Variants in MAPK4 observed in about 807,000 individuals in gnomAD.
MAPK4 encodes the protein Erk3-related.
Under a neutral mutation model 47.7 loss-of-function variants are expected in MAPK4, and 22 were observed. The observed-to-expected ratio is 0.46, with a 90% confidence interval of 0.33 to 0.66. The LOEUF (loss-of-function observed/expected upper bound fraction) is 0.66. MAPK4 is among the 30% of genes least tolerant of loss of function. The pLI, the probability that MAPK4 is intolerant of heterozygous loss-of-function variation, is 0.02. For missense variants in MAPK4, 736 were observed against 831.7 expected (o/e 0.88, Z 1.42); for synonymous variants, 390 against 365.7 (o/e 1.07, Z -0.76).
intron 1 of MAPK4, among the ~76,000 whole-genome samples, chr18:50,569,939 C>A (rs572546853): frequency 6.6e-6 from 1 of 152,368 alleles, no homozygotes; most frequent in Non-Finnish European, 1.5e-5. Context: ...AGATCTCTTT[C>A]TTTTCTCACA....
At chr18:50,606,772 A>G (rs933856762) in intron 1 of MAPK4, among the ~76,000 whole-genome samples, 4 of 152,228 alleles carry the variant, frequency 2.6e-5, no homozygotes, top group Non-Finnish European at 5.9e-5. Flanking sequence ...GGGCAGGCAT[A>G]GCTGTGTGGC....
chr18:50,668,201 G>A (rs1907715341), intron 2 of MAPK4, among the ~76,000 whole-genome samples: 1 of 152,174 alleles, frequency 6.6e-6, no homozygotes, highest in Admixed American at 6.5e-5. Context: ...GAAAGGTCCT[G>A]AGCACAGAAG....
chr18:50,656,698 C>T (rs1405107069), intron 1 of MAPK4, among the ~76,000 whole-genome samples: 1 of 152,174 alleles, frequency 6.6e-6, no homozygotes, highest in Non-Finnish European at 1.5e-5. Context: ...ACCCTGCTTC[C>T]TGCTACGCTT....
intron 4 of MAPK4, among the ~76,000 whole-genome samples, chr18:50,723,864 CAAAA>C (rs34529419): frequency 7.6e-5 from 10 of 132,060 alleles, no homozygotes; most frequent in East Asian, 6.7e-4. Flanking sequence ...GACCCTGTCT[CAAAA>C]AAAAAAAAAA....
intron 2 of MAPK4, among the ~76,000 whole-genome samples, chr18:50,693,027 G>A (rs752250300): frequency 3.9e-5 from 6 of 152,114 alleles, no homozygotes; most frequent in Non-Finnish European, 5.9e-5. Context: ...AGGCTGAGAT[G>A]GGTGGATCAC....
At position 50,656,526 on chromosome 18, in the gene MAPK4, A is replaced by G. The variant is rs1020443851; in HGVS notation, c.-870-6563A>G. On this transcript the variant is annotated intron_variant, in intron 1 of 5. Transcript: ENST00000400384. ...TTTATAACATGATCTCAGAAGTGGC[A>G]TCCCATTCTTTTTGCCAAATTCTAT... Among the ~76,000 whole-genome samples, 9 of 152,216 alleles carry G rather than the reference A, an allele frequency of 5.9e-5. No homozygotes were observed. The East Asian group carries it at 1.7e-3, about 29-fold the overall frequency.
chr18:50,681,790 A>G (rs756741897), intron 2 of MAPK4, among the ~76,000 whole-genome samples: 2 of 152,208 alleles, frequency 1.3e-5, no homozygotes, highest in Non-Finnish European at 2.9e-5. Context: ...TTCCAGTACT[A>G]TGCTATCTCA....
intron 1 of MAPK4, among the ~76,000 whole-genome samples, chr18:50,589,368 G>C (rs969972097): frequency 6.6e-6 from 1 of 152,080 alleles, no homozygotes; most frequent in Non-Finnish European, 1.5e-5. Context: ...AGGCCGAGGC[G>C]GGCGGATCAC....
chr18:50,728,765 C>T (rs749208256), intron 5 of MAPK4, among the ~76,000 whole-genome samples: 73 of 152,174 alleles, frequency 4.8e-4, no homozygotes, highest in Non-Finnish European at 7.5e-4. Context: ...TGCATTTTAG[C>T]AAGACCCGCA....
chr18:50,723,385 G>C (rs1598959017), intron 4 of MAPK4, among the ~76,000 whole-genome samples: 1 of 152,192 alleles, frequency 6.6e-6, no homozygotes, highest in African/African-American at 2.4e-5. Context: ...CTCACTGCAG[G>C]AGGGGCTTGG....
chr18:50,577,144 T>A (rs1189802207), intron 1 of MAPK4, among the ~76,000 whole-genome samples: 1 of 152,104 alleles, frequency 6.6e-6, no homozygotes, highest in Admixed American at 6.5e-5. Flanking sequence ...AGCATGAGGT[T>A]TGGAATTTTA....
At chr18:50,581,909 T>C (rs187222300) in intron 1 of MAPK4, among the ~76,000 whole-genome samples, 1 of 152,340 alleles carries the variant, frequency 6.6e-6, no homozygotes, top group Admixed American at 6.5e-5. Context: ...ACAATTATCA[T>C]TGTCCTTTTG....
At chr18:50,658,088 G>T (rs942137666) in intron 1 of MAPK4, among the ~76,000 whole-genome samples, 1 of 152,008 alleles carries the variant, frequency 6.6e-6, no homozygotes, top group African/African-American at 2.4e-5. Flanking sequence ...GGAAGGTGGG[G>T]GTGTGGTTGT....
In MAPK4 at chr18:50,711,824, G is replaced by GTT. The variant is rs35984682; in HGVS notation, c.547-3240_547-3239dup. 4.0e-3 allele frequency among the ~76,000 whole-genome samples: 563 copies of GTT among 141,012 alleles called. 6 individuals are homozygous for GTT. The highest frequency in any genetic ancestry group is 0.012 in the African/African-American group (448 of 38,110). 92.5% of individuals were successfully genotyped at this position (141,012 alleles called of 152,430 possible). On this transcript the variant is annotated intron_variant, in intron 2 of 5. Transcript: ENST00000400384. ...TCTCGACTTCTGGGTATTCTTTAAA[G>GTT]TTTTTTTTTTTTTTTTGTAGAAAAT...
At chr18:50,625,375 C>T (rs774585940) in intron 1 of MAPK4, among the ~76,000 whole-genome samples, 3 of 152,142 alleles carry the variant, frequency 2.0e-5, no homozygotes, top group Non-Finnish European at 4.4e-5. Flanking sequence ...TCACTTTATC[C>T]TTGCACTTTA....
chr18:50,681,468 G>A (rs1908581617), intron 2 of MAPK4, among the ~76,000 whole-genome samples: 1 of 151,992 alleles, frequency 6.6e-6, no homozygotes. Context: ...GCTTTTGTTT[G>A]TGGCATCATA....
Position 50,600,975 on chromosome 18 carries a change from G to A in MAPK4, c.-871+40732G>A, listed in dbSNP as rs866420177. Among the ~76,000 whole-genome samples the A allele has an allele frequency of 4.0e-5, 6 of 151,848 alleles. No individual in the cohort carries two copies. In the Middle Eastern group the frequency reaches 0.014, roughly 344 times the overall value. ...TTGTTCACGATTTGAAGATAAAAAA[G>A]TGGTGGGCACAATGGCTCACTCCTG... On this transcript the variant is annotated intron_variant, in intron 1 of 5. Transcript: ENST00000400384.
intron 2 of MAPK4, among the ~76,000 whole-genome samples, chr18:50,687,677 G>A (rs2144336158): frequency 6.6e-6 from 1 of 152,070 alleles, no homozygotes; most frequent in African/African-American, 2.4e-5. Context: ...CTCCCAGCGA[G>A]ACTCTGCGGT....
chr18:50,689,135 C>A (rs1423420973), intron 2 of MAPK4, among the ~76,000 whole-genome samples: 1 of 147,192 alleles, frequency 6.8e-6, no homozygotes, highest in Non-Finnish European at 1.5e-5. Context: ...GTGGTGCAAG[C>A]ATGTAATCCC....
Sources: gnomAD v4.1 joint callset for allele counts (sites outside exome capture counted in the v4.1 genomes callset) on GRCh38, gnomAD v4.1.1 for gene constraint, MANE v1.5 for transcripts, NCBI Gene and HGNC (gene_info 2026-07-23, HGNC 2026-07-21) for gene names.